Variants in HECW1 observed in about 807,000 individuals in gnomAD.
The protein encoded by HECW1 is HECT, C2 and WW domain containing E3 ubiquitin protein ligase 1.
In HECW1, 61 loss-of-function variants were observed where a neutral mutation model predicts 182.3. The ratio of observed to expected loss-of-function variants is 0.33; its 90% CI spans 0.27 to 0.41. The LOEUF (loss-of-function observed/expected upper bound fraction) is 0.41, where lower values mean the gene tolerates loss of function less well. Ranked by LOEUF, HECW1 falls within the 10% of genes least tolerant of loss-of-function variation. The pLI is 1.00. For missense variants in HECW1, 1,739 were observed against 2,108.9 expected (o/e 0.82, Z 3.44); for synonymous variants, 859 against 832.6 (o/e 1.03, Z -0.55).
intron 2 of HECW1, among the ~76,000 whole-genome samples, chr7:43,207,383 A>G (rs1225382521): frequency 6.6e-6 from 1 of 152,194 alleles, no homozygotes; most frequent in Non-Finnish European, 1.5e-5. Context: ...AATATTGTAC[A>G]TTCGTGGTGT....
intron 24 of HECW1, among the ~76,000 whole-genome samples, chr7:43,521,888 CAGAA>C (rs2080494723): frequency 1.3e-5 from 2 of 152,100 alleles, no homozygotes. Flanking sequence ...TAAACAACAA[CAGAA>C]AAAGAAGTGA....
At chr7:43,342,233 A>G (rs1204815773) in intron 5 of HECW1, among the ~76,000 whole-genome samples, 1 of 151,872 alleles carries the variant, frequency 6.6e-6, no homozygotes, top group African/African-American at 2.4e-5. Flanking sequence ...GAGTGGAATC[A>G]TCAATGTTAG....
chr7:43,530,137 T>TA (rs576115334), intron 24 of HECW1, among the ~76,000 whole-genome samples: 2,540 of 147,552 alleles, frequency 0.017, 86 homozygotes, highest in African/African-American at 0.06. Flanking sequence ...TTTTTTTTTT[T>TA]AGTAGAGATG....
In HECW1 at chr7:43,445,071, C is replaced by T; in HGVS notation, c.1899C>T (p.Ser633=). Residue 633 remains serine (S), a synonymous_variant, in exon 11 of 30, where the codon TCC becomes TCT. Coordinates refer to ENST00000395891, the MANE Select transcript of HECW1 (RefSeq NM_015052.5). ...ATPGTAHPGH[S]GGHFPSLANG... ...CAGGCACGGCGCACCCTGGCCACTC[C>T]GGGGGCCACTTCCCCAGCCTGGCCA... The T allele has an allele frequency of 6.3e-7, 1 of 1,596,848 alleles. No individual in the cohort carries two copies. Among genetic ancestry groups the T allele is most frequent in the Non-Finnish European group, 8.5e-7 (1 of 1,172,682 alleles).
Position 43,542,125 on chromosome 7 carries a change from GGC to G in HECW1, c.4248+128_4248+129del, listed in dbSNP as rs377530892. ...AGTGCTTCAGTATATCCACATTGTTGGCCATCCAATCTCCAGAACTTTTTCAT... is the reference window on the plus strand; with the variant it reads ...AGTGCTTCAGTATATCCACATTGTTGCATCCAATCTCCAGAACTTTTTCAT... On this transcript the variant is annotated intron_variant, in intron 26 of 29. Transcript: ENST00000395891. 3,236 of 780,238 alleles carry G rather than the reference GGC, an allele frequency of 4.1e-3. 124 individuals are homozygous for G. In the East Asian group the frequency reaches 0.078, roughly 19 times the overall value. The allele number at this position is 780,238 out of a possible 1,614,324, so 48.3% of individuals were successfully genotyped here.
At chr7:43,262,969 C>T (rs1801342371) in intron 3 of HECW1, among the ~76,000 whole-genome samples, 2 of 152,240 alleles carry the variant, frequency 1.3e-5, no homozygotes, top group Middle Eastern at 3.4e-3. Context: ...CTGTTGAAAA[C>T]AGAAGGCTAC....
chr7:43,180,689 C>A (rs750640604), intron 2 of HECW1, among the ~76,000 whole-genome samples: 1 of 152,210 alleles, frequency 6.6e-6, no homozygotes. Context: ...GCCACCGCGC[C>A]TGGCCAGTTT....
At chr7:43,382,191 C>T (rs2074581920) in intron 6 of HECW1, among the ~76,000 whole-genome samples, 1 of 151,822 alleles carries the variant, frequency 6.6e-6, no homozygotes, top group Non-Finnish European at 1.5e-5. Context: ...GAGGCTGAGG[C>T]AGGAGAATGG....
At chr7:43,541,370 C>G in intron 25 of HECW1, 109 bp downstream of exon 25, 1 of 807,892 alleles carries the variant, frequency 1.2e-6, no homozygotes, top group Non-Finnish European at 2.2e-6. Flanking sequence ...CTAACCATTC[C>G]TGTTAGGGTT....
At chr7:43,361,254 T>C (rs912606592) in intron 6 of HECW1, among the ~76,000 whole-genome samples, 4 of 152,242 alleles carry the variant, frequency 2.6e-5, no homozygotes, top group Non-Finnish European at 5.9e-5. Flanking sequence ...TTTCCTTAGA[T>C]GGCCAAATGT....
intron 2 of HECW1, among the ~76,000 whole-genome samples, chr7:43,215,151 A>C (rs558760586): frequency 6.6e-6 from 1 of 152,244 alleles, no homozygotes; most frequent in Admixed American, 6.5e-5. Context: ...AATAGCAGCT[A>C]AACTATACAA....
At chr7:43,520,959 C>T (rs1278916807) in intron 24 of HECW1, among the ~76,000 whole-genome samples, 1 of 152,226 alleles carries the variant, frequency 6.6e-6, no homozygotes, top group Non-Finnish European at 1.5e-5. Flanking sequence ...TGGTTTCTGG[C>T]ATGGAGGCAG....
At chr7:43,315,835 G>A (rs148798927) in intron 4 of HECW1, among the ~76,000 whole-genome samples, 72 of 152,260 alleles carry the variant, frequency 4.7e-4, no homozygotes, top group Middle Eastern at 6.8e-3. Context: ...GCCACAGTGG[G>A]AGAATCCTGG....
chr7:43,362,986 C>A (rs1362469198), intron 6 of HECW1, among the ~76,000 whole-genome samples: 3 of 152,204 alleles, frequency 2.0e-5, no homozygotes, highest in Non-Finnish European at 4.4e-5. Flanking sequence ...TGTTGGCCAG[C>A]CCTGGAATTC....
intron 5 of HECW1, among the ~76,000 whole-genome samples, chr7:43,349,247 C>T (rs1415151266): frequency 2.0e-5 from 3 of 152,168 alleles, no homozygotes; most frequent in South Asian, 2.1e-4. Context: ...TTGATTAGGC[C>T]GGTCTCAAAC....
chr7:43,445,105 G>T lies in HECW1; in HGVS notation c.1933G>T (p.Ala645Ser). 1 of 1,606,782 alleles carries T rather than the reference G, an allele frequency of 6.2e-7. No homozygotes were observed. ...CTTCCCCAGCCTGGCCAATGGCGCG[G>T]CCCAGGATGGCGACACGCACCCCAG... ...GHFPSLANGAAQDGDTHPSTG... is the reference protein window; with the variant it reads ...GHFPSLANGASQDGDTHPSTG... Residue 645 changes from alanine to serine, a missense_variant, in exon 11 of 30, where the codon GCC (alanine) becomes TCC (serine). Ala to Ser is a moderately conservative substitution (Grantham distance 99). Around this residue, in one of 5 missense-constraint regions of HECW1, gnomAD observed 971 missense variants for 1,029.1 expected, o/e 0.94. Coordinates refer to ENST00000395891, the MANE Select transcript of HECW1 (RefSeq NM_015052.5).
At chr7:43,488,041 G>A (rs2078716906) in intron 17 of HECW1, among the ~76,000 whole-genome samples, 1 of 151,832 alleles carries the variant, frequency 6.6e-6, no homozygotes, top group African/African-American at 2.4e-5. Context: ...CAGTCACAGT[G>A]GCTAAAGCCT....
chr7:43,367,273 A>C (rs553036955), intron 6 of HECW1, among the ~76,000 whole-genome samples: 17 of 152,326 alleles, frequency 1.1e-4, no homozygotes, highest in African/African-American at 4.1e-4. Context: ...TTACTATTAC[A>C]TCCAGAATTT....
At chr7:43,266,045 G>C (rs1414189005) in intron 3 of HECW1, among the ~76,000 whole-genome samples, 2 of 152,132 alleles carry the variant, frequency 1.3e-5, no homozygotes, top group Non-Finnish European at 2.9e-5. Context: ...ACATCATTTA[G>C]GGTTTTTTAT....
Sources: allele counts gnomAD v4.1 joint callset (sites outside exome capture counted in the v4.1 genomes callset), GRCh38; gene constraint gnomAD v4.1.1; regional missense constraint gnomAD v4.1.1; transcripts MANE v1.5; gene names NCBI Gene and HGNC (gene_info 2026-07-23, HGNC 2026-07-21).